The following RGS3 variants were observed in gnomAD, a reference collection of about 807,000 sequenced individuals.
RGS3 encodes regulator of G-protein signalling 3.
RGS3 carries 80 observed loss-of-function variants against 132.6 expected under a neutral mutation model. The ratio of observed to expected loss-of-function variants is 0.60; its 90% CI spans 0.50 to 0.73. RGS3 has a LOEUF of 0.73. Among genes scored for constraint, RGS3 ranks in the 30% least tolerant of loss-of-function variants. RGS3 has a pLI of 0.00. For synonymous variants in RGS3, 598 were observed against 620.6 expected, an observed-to-expected ratio of 0.96 and a Z score of 0.54; for missense variants, 1,382 against 1,530.8, an observed-to-expected ratio of 0.90 and a Z score of 1.62.
intron 7 of RGS3, among the ~76,000 whole-genome samples, chr9:113,491,778 T>C (rs1318146185): frequency 2.0e-5 from 3 of 152,176 alleles, no homozygotes; most frequent in Non-Finnish European, 2.9e-5. Context: ...GATCTCAAAC[T>C]CCTGACCTCA....
chr9:113,566,626 C>T (rs1834023589), intron 19 of RGS3, among the ~76,000 whole-genome samples: 1 of 152,228 alleles, frequency 6.6e-6, no homozygotes, highest in Non-Finnish European at 1.5e-5. Flanking sequence ...GAAACCATTT[C>T]CCTGACCTGA....
intron 14 of RGS3, among the ~76,000 whole-genome samples, chr9:113,514,192 A>T (rs567244217): frequency 1.3e-5 from 2 of 152,202 alleles, no homozygotes; most frequent in Non-Finnish European, 2.9e-5. Context: ...TGCCTCCATC[A>T]TAGCTGGTGG....
At chr9:113,536,558 C>A in intron 18 of RGS3, 2 of 1,315,812 alleles carry the variant, frequency 1.5e-6, no homozygotes, top group Non-Finnish European at 2.0e-6. Flanking sequence ...CCACTGCCTT[C>A]CTCCCCTCCC....
intron 17 of RGS3, among the ~76,000 whole-genome samples, chr9:113,526,581 C>A (rs1007219475): frequency 3.3e-5 from 5 of 152,146 alleles, no homozygotes; most frequent in African/African-American, 1.2e-4. Flanking sequence ...AGAATGGGGA[C>A]AATACCCCTT....
At chr9:113,521,918 G>T (rs1418588417) in intron 16 of RGS3, among the ~76,000 whole-genome samples, 1 of 152,162 alleles carries the variant, frequency 6.6e-6, no homozygotes, top group African/African-American at 2.4e-5. Flanking sequence ...CAAGGTGTCA[G>T]GTGTTTGATA....
chr9:113,461,973 A>T (rs776382952), intron 2 of RGS3: 8 of 1,601,566 alleles, frequency 5.0e-6, no homozygotes, highest in Non-Finnish European at 6.8e-6. Flanking sequence ...CCTTGCATGG[A>T]GCATCTTCAG....
intron 4 of RGS3, 43 bp downstream of exon 2, chr9:113,479,584 C>A: frequency 6.3e-7 from 1 of 1,598,874 alleles, no homozygotes; most frequent in Non-Finnish European, 8.6e-7. Context: ...AGGGGCGGGC[C>A]ACTCAGCTTG....
intron 14 of RGS3, among the ~76,000 whole-genome samples, chr9:113,513,518 G>C (rs1443543742): frequency 6.6e-6 from 1 of 152,200 alleles, no homozygotes; most frequent in Non-Finnish European, 1.5e-5. Context: ...AAACAACACT[G>C]AGTTTGCAGC....
intron 18 of RGS3, among the ~76,000 whole-genome samples, chr9:113,533,236 T>G (rs1422696539): frequency 1.3e-5 from 2 of 151,272 alleles, no homozygotes; most frequent in South Asian, 2.1e-4. Flanking sequence ...AAATTCTGTT[T>G]TTTTTTTTTT....
At chr9:113,536,258 G>A (rs371521214) in intron 18 of RGS3, among the ~76,000 whole-genome samples, 18 of 152,302 alleles carry the variant, frequency 1.2e-4, no homozygotes, top group African/African-American at 4.1e-4. Context: ...GACTCTGCCC[G>A]TCAAAGACTT....
chr9:113,531,769 T>A (rs530950910), intron 18 of RGS3, among the ~76,000 whole-genome samples: 1 of 152,330 alleles, frequency 6.6e-6, no homozygotes, highest in East Asian at 1.9e-4. Flanking sequence ...GCCAGTGACA[T>A]AACCTCTCTG....
chr9:113,514,565 C>T lies in RGS3; in HGVS notation c.1585C>T (p.Pro529Ser), dbSNP rs1405403736. Residue 529 changes from proline to serine, a missense_variant, in exon 15 of 25, where the codon CCG (proline) becomes TCG (serine). Coordinates refer to ENST00000350696, the Ensembl canonical transcript of RGS3. ...GGGCCACGGGAACTACCAAAACTGCCCGGTTGTGAGGCCGCATGCCACGCA... is the reference window on the plus strand; with the variant it reads ...GGGCCACGGGAACTACCAAAACTGCTCGGTTGTGAGGCCGCATGCCACGCA... 4 of 1,614,002 alleles carry T rather than the reference C, an allele frequency of 2.5e-6. No individual in the cohort carries two copies. The East Asian group carries it at 6.7e-5, about 27-fold the overall frequency.
chr9:113,594,394 AG>A, intron 21 of RGS3, 35 bp from the exon 20 acceptor site: 1 of 1,610,580 alleles, frequency 6.2e-7, no homozygotes, highest in Non-Finnish European at 8.5e-7. Flanking sequence ...CGAGTGGGCC[AG>A]GCTGAGCAAC....
At position 113,575,834 on chromosome 9, in the gene RGS3, G is replaced by A. The variant is rs181942679; in HGVS notation, c.2038-7616G>A. Among the ~76,000 whole-genome samples, 13 of 152,330 alleles carry A rather than the reference G, an allele frequency of 8.5e-5. No homozygotes were observed. In the East Asian group the frequency reaches 2.5e-3, roughly 29 times the overall value. On this transcript the variant is annotated intron_variant, in intron 19 of 24. Transcript: ENST00000350696. ...GGCATTTTTAAGATACTCCTCAGGT[G>A]ATTCTAAAGTGTACTTCTCCGTTAA...
At chr9:113,546,244 G>A (rs1833110501) in intron 19 of RGS3, among the ~76,000 whole-genome samples, 1 of 152,170 alleles carries the variant, frequency 6.6e-6, no homozygotes, top group Admixed American at 6.5e-5. Context: ...TGTCCCTGCT[G>A]GATGCAATCC....
intron 17 of RGS3, among the ~76,000 whole-genome samples, chr9:113,523,453 A>G (rs1260076047): frequency 6.6e-6 from 1 of 152,154 alleles, no homozygotes; most frequent in Non-Finnish European, 1.5e-5. Flanking sequence ...AGATTAAGCT[A>G]GGTCATAAAT....
chr9:113,506,916 C>T lies in RGS3; in HGVS notation c.1086-371C>T, dbSNP rs992511904. On this transcript the variant is annotated intron_variant, in intron 12 of 24. Transcript: ENST00000350696. This position sits in a 1 kb window ranked among gnomAD's most constrained non-coding sequence, Gnocchi z 4.7. Reference sequence around the variant, plus strand: ...ATCCTCTAGGGTAAAACCCCGATGGCCCCATTTTAGGTCTGCTTCTGGAAT... The same window carrying T: ...ATCCTCTAGGGTAAAACCCCGATGGTCCCATTTTAGGTCTGCTTCTGGAAT... Among the ~76,000 whole-genome samples, 1 of 152,196 alleles carries T rather than the reference C, an allele frequency of 6.6e-6. No homozygotes were observed. Among genetic ancestry groups the T allele is most frequent in the Non-Finnish European group, 1.5e-5 (1 of 68,026 alleles).
intron 8 of RGS3, among the ~76,000 whole-genome samples, chr9:113,496,794 A>G (rs1052353126): frequency 4.6e-5 from 7 of 151,638 alleles, no homozygotes; most frequent in Non-Finnish European, 8.8e-5. Context: ...CAGGTGATCC[A>G]CCCGTCTCGG....
chr9:113,548,077 A>G (rs1833188511), intron 19 of RGS3, among the ~76,000 whole-genome samples: 2 of 152,248 alleles, frequency 1.3e-5, no homozygotes, highest in East Asian at 3.8e-4. Context: ...TGACTAGAAT[A>G]TTGGTAGAAC....
Sources: allele counts gnomAD v4.1 joint callset (sites outside exome capture counted in the v4.1 genomes callset), GRCh38; gene constraint gnomAD v4.1.1; non-coding constraint Gnocchi (gnomAD v3.1); transcripts MANE v1.5; gene names NCBI Gene and HGNC (gene_info 2026-07-23, HGNC 2026-07-21).